Variants in POLA1 observed in about 807,000 individuals in gnomAD.
POLA1 encodes the protein DNA polymerase alpha 1, catalytic subunit.
A neutral mutation model predicts 124.0 loss-of-function variants in POLA1; 15 were observed. The ratio of observed to expected loss-of-function variants is 0.12; its 90% confidence interval spans 0.08 to 0.19. POLA1 has a LOEUF of 0.19. Among genes scored for constraint, POLA1 ranks in the 10% least tolerant of loss-of-function variants. The probability of loss-of-function intolerance (pLI) is 1.00; values close to 1 mark genes in which losing one functional copy is unlikely to be tolerated. For missense variants in POLA1, 886 were observed against 1,103.4 expected (o/e 0.80, Z 2.79); for synonymous variants, 408 against 389.4 (o/e 1.05, Z -0.56).
At chrX:24,914,930 C>T (rs2047508939) in intron 35 of POLA1, among the ~76,000 whole-genome samples, 2 of 112,136 alleles carry the variant, frequency 1.8e-5, no homozygotes, top group Non-Finnish European at 3.8e-5. Flanking sequence ...CACAAAAAAA[C>T]AGCACAGTTT....
At chrX:24,912,545 C>A (rs895226525) in intron 35 of POLA1, among the ~76,000 whole-genome samples, 7 of 110,980 alleles carry the variant, frequency 6.3e-5, no homozygotes, top group African/African-American at 2.3e-4. Context: ...TAAAAAAAAA[C>A]AAAAGACTTG....
intron 17 of POLA1, 67 bp downstream of exon 17, chrX:24,733,883 C>A: frequency 1.8e-6 from 1 of 571,070 alleles, no homozygotes; most frequent in Non-Finnish European, 2.9e-6. Flanking sequence ...GTGGTATGGA[C>A]TAGTAGAAAA....
intron 34 of POLA1, among the ~76,000 whole-genome samples, chrX:24,871,995 G>C (rs2046871672): frequency 9.0e-6 from 1 of 111,509 alleles, no homozygotes; most frequent in African/African-American, 3.3e-5. Context: ...GAGATTCCTG[G>C]GTGGCTTAGT....
chrX:24,904,979 G>A (rs1172821210), intron 35 of POLA1, among the ~76,000 whole-genome samples: 3 of 104,000 alleles, frequency 2.9e-5, no homozygotes, highest in African/African-American at 1.1e-4. Flanking sequence ...AGCCGAGATC[G>A]TGCCACTGCA....
intron 35 of POLA1, among the ~76,000 whole-genome samples, chrX:24,910,275 A>C (rs1037380901): frequency 9.4e-6 from 1 of 106,255 alleles, no homozygotes; most frequent in African/African-American, 3.4e-5. Flanking sequence ...TTCCAACACT[A>C]TGTTGAATAG....
At chrX:24,735,581 C>A in intron 18 of POLA1, 93 bp downstream of exon 18, 1 of 525,101 alleles carries the variant, frequency 1.9e-6, no homozygotes, top group Non-Finnish European at 3.3e-6. Flanking sequence ...AGCAAATAAT[C>A]TTTTCAGAGT....
chrX:24,925,798 C>T (rs762438377), intron 35 of POLA1, among the ~76,000 whole-genome samples: 14 of 111,523 alleles, frequency 1.3e-4, no homozygotes, highest in Non-Finnish European at 1.9e-4. Flanking sequence ...GTTGCCCAGG[C>T]TGGAGTGCAG....
intron 36 of POLA1, among the ~76,000 whole-genome samples, chrX:24,960,229 T>C (rs1020005971): frequency 8.9e-6 from 1 of 111,983 alleles, no homozygotes; most frequent in African/African-American, 3.3e-5. Context: ...TATAAATAGA[T>C]TGAAGTAGAG....
intron 10 of POLA1, among the ~76,000 whole-genome samples, chrX:24,721,021 T>G (rs1930170479): frequency 8.9e-6 from 1 of 112,746 alleles, no homozygotes; most frequent in African/African-American, 3.2e-5. Context: ...GTTGGAAGAT[T>G]GAAGCATTGA....
In POLA1 at chrX:24,996,098, G is replaced by T; in HGVS notation, c.*148G>T. ...GTGTGAATGTAGACCAGGAAAGGGGGCTGCAAAAATGTTGAGTCTAATGTT... is the reference window on the plus strand; with the variant it reads ...GTGTGAATGTAGACCAGGAAAGGGGTCTGCAAAAATGTTGAGTCTAATGTT... On this transcript the variant is annotated 3_prime_UTR_variant, in exon 37 of 37. Transcript: ENST00000379068. 2.0e-6 allele frequency: 1 copy of T among 489,791 alleles called. No homozygotes were observed. The highest frequency in any genetic ancestry group is 3.4e-6 in the Non-Finnish European group (1 of 296,389). The allele number at this position is 489,791 out of a possible 1,213,427, so 40.4% of individuals were successfully genotyped here. A position where few individuals can be genotyped will look rare whatever the true frequency, so the allele number is the denominator to read the frequency against.
intron 35 of POLA1, among the ~76,000 whole-genome samples, chrX:24,895,632 C>T (rs779894644): frequency 2.7e-5 from 3 of 112,257 alleles, no homozygotes; most frequent in Non-Finnish European, 5.6e-5. Context: ...CAGAGACCTT[C>T]CAATGAACCC....
intron 26 of POLA1, among the ~76,000 whole-genome samples, chrX:24,768,430 A>G (rs1465513406): frequency 4.5e-5 from 5 of 112,026 alleles, no homozygotes; most frequent in Non-Finnish European, 9.4e-5. Context: ...CAAACTTGGC[A>G]TGGTTCTGGA....
At chrX:24,741,880 A>G in intron 21 of POLA1, 122 bp from the exon 22 acceptor site, 1 of 513,336 alleles carries the variant, frequency 1.9e-6, no homozygotes, top group Non-Finnish European at 3.1e-6. Context: ...TTTTAAAAAA[A>G]AAGCAGACCG....
At chrX:24,705,698 C>G (rs531729371) in intron 4 of POLA1, among the ~76,000 whole-genome samples, 21 of 110,095 alleles carry the variant, frequency 1.9e-4, no homozygotes, top group African/African-American at 6.3e-4. Flanking sequence ...ACACCTCCCC[C>G]CCTCCCCTGC....
chrX:24,792,628 T>C (rs766294360), intron 26 of POLA1, among the ~76,000 whole-genome samples: 1 of 112,318 alleles, frequency 8.9e-6, no homozygotes, highest in Non-Finnish European at 1.9e-5. Flanking sequence ...GCTTATGTTC[T>C]TTTACTGTTG....
chrX:24,962,390 C>T (rs759918344), intron 36 of POLA1, among the ~76,000 whole-genome samples: 3 of 111,887 alleles, frequency 2.7e-5, no homozygotes, highest in East Asian at 2.8e-4. Flanking sequence ...AAACAGATAT[C>T]GCATTAACTT....
chrX:24,881,271 G>A (rs760953912), intron 34 of POLA1, among the ~76,000 whole-genome samples: 1 of 111,877 alleles, frequency 8.9e-6, no homozygotes, highest in Non-Finnish European at 1.9e-5. Flanking sequence ...CTCTTTCCTG[G>A]TTAAAATGGT....
At chrX:24,865,043 C>T (rs2046774496) in intron 34 of POLA1, among the ~76,000 whole-genome samples, 1 of 111,497 alleles carries the variant, frequency 9.0e-6, no homozygotes, top group African/African-American at 3.3e-5. Flanking sequence ...TAAACACAAC[C>T]AATGTTAGAA....
At chrX:24,716,334 A>T in intron 6 of POLA1, 28 bp from the exon 7 acceptor site, 1 of 776,330 alleles carries the variant, frequency 1.3e-6, no homozygotes, top group Non-Finnish European at 2.0e-6. Context: ...CAAGCATGGC[A>T]GTGAATATGT....
Sources: gnomAD v4.1 joint callset for allele counts (sites outside exome capture counted in the v4.1 genomes callset) on GRCh38, gnomAD v4.1.1 for gene constraint, MANE v1.5 for transcripts, NCBI Gene and HGNC (gene_info 2026-07-23, HGNC 2026-07-21) for gene names.